Variants in ADGB observed in about 807,000 individuals in gnomAD.
The protein encoded by ADGB is calpain-7-like protein.
ADGB carries 172 observed loss-of-function variants against 210.5 expected under a neutral mutation model. The observed-to-expected ratio is 0.82, with a 90% CI of 0.72 to 0.93. ADGB has a LOEUF of 0.93. Among genes scored for constraint, ADGB ranks in the 40% least tolerant of loss-of-function variants. The probability of loss-of-function intolerance (pLI) is 0.00; values close to 1 mark genes in which losing one functional copy is unlikely to be tolerated. For missense variants in ADGB, 2,025 were observed against 1,964.8 expected, an observed-to-expected ratio of 1.03 and a Z score of -0.58; for synonymous variants, 658 against 662.7, an observed-to-expected ratio of 0.99 and a Z score of 0.11.
chr6:146,801,158 T>C (rs1778124288), intron 33 of ADGB, 25 bp from the exon 34 acceptor site: 1 of 1,343,504 alleles, frequency 7.4e-7, no homozygotes, highest in Non-Finnish European at 1.0e-6. Flanking sequence ...CTAGGTTTTT[T>C]GTTGTGTGTG....
intron 3 of ADGB, among the ~76,000 whole-genome samples, chr6:146,647,538 T>C (rs182656051): frequency 6.6e-5 from 10 of 152,108 alleles, no homozygotes; most frequent in African/African-American, 2.4e-4. Context: ...TCTGATTTCA[T>C]TGAAAAATTT....
At chr6:146,805,252 G>A (rs1419327067) in intron 35 of ADGB, among the ~76,000 whole-genome samples, 2 of 152,148 alleles carry the variant, frequency 1.3e-5, no homozygotes, top group Non-Finnish European at 2.9e-5. Flanking sequence ...ACTGACCAGA[G>A]CAAGTCACAT....
rs144031864 is a variant in ADGB at position 146,794,691 on chromosome 6, A to G, written c.4537+6081A>G. Among the ~76,000 whole-genome samples, 9 of 152,256 alleles carry G rather than the reference A, an allele frequency of 5.9e-5. No individual in the cohort carries two copies. The East Asian group carries it at 1.7e-3, about 29-fold the overall frequency. On this transcript the variant is annotated intron_variant, in intron 33 of 35. Transcript: ENST00000397944. ...TGAGAACTTGACACATCCTCTCCCA[A>G]AAAAAGCAAGAAGCAACAATAAACT...
chr6:146,662,942 T>C, intron 5 of ADGB, among the ~76,000 whole-genome samples: 1 of 146,368 alleles, frequency 6.8e-6, no homozygotes, highest in African/African-American at 2.5e-5. Flanking sequence ...AACTTAATAA[T>C]GTTATATATT....
intron 1 of ADGB, among the ~76,000 whole-genome samples, chr6:146,611,826 C>T (rs1780715849): frequency 6.6e-6 from 1 of 152,174 alleles, no homozygotes; most frequent in African/African-American, 2.4e-5. Context: ...TGTACATGTA[C>T]TAGCCTTTGG....
chr6:146,721,502 G>A lies in ADGB; in HGVS notation c.2092G>A (p.Gly698Arg). 1 of 1,521,870 alleles carries A rather than the reference G, an allele frequency of 6.6e-7. No individual in the cohort carries two copies. The highest frequency in any genetic ancestry group is 8.9e-7 in the Non-Finnish European group (1 of 1,127,156). 94.3% of individuals were successfully genotyped at this position (1,521,870 alleles called of 1,614,324 possible). A position where few individuals can be genotyped will look rare whatever the true frequency, so the allele number is the denominator to read the frequency against. The change falls in exon 17 of 36, where the codon GGA (glycine) becomes AGA (arginine). Residue 698 changes from glycine (G) to arginine (R), a missense_variant. Gly to Arg is a moderately radical substitution (Grantham distance 125). Transcript: ENST00000397944. ...TGCATTGGTACGCTGGGGGGAGTAT[G>A]GAGGTAAGAGGGCTCTGAGAAAATG... ...FSALVRWGEY[G>R]ALTKDSPPIE...
At chr6:146,628,213 A>G (rs963082) in intron 1 of ADGB, among the ~76,000 whole-genome samples, 53,737 of 151,636 alleles carry the variant, frequency 0.35, 9,850 homozygotes, top group Admixed American at 0.43. Flanking sequence ...AATATAATTG[A>G]CATTGTATAT....
intron 27 of ADGB, among the ~76,000 whole-genome samples, chr6:146,759,912 T>G (rs1276150986): frequency 6.6e-6 from 1 of 151,874 alleles, no homozygotes; most frequent in Non-Finnish European, 1.5e-5. Flanking sequence ...TTGTATTACC[T>G]TCTTTGCAAA....
intron 13 of ADGB, among the ~76,000 whole-genome samples, chr6:146,714,539 C>T (rs1776704148): frequency 6.6e-6 from 1 of 152,176 alleles, no homozygotes; most frequent in Non-Finnish European, 1.5e-5. Context: ...AGAAACTTCT[C>T]ATTTAATTTC....
At position 146,781,246 on chromosome 6, in the gene ADGB, G is replaced by A. The variant is rs1049066118; in HGVS notation, c.3863-774G>A. ...TAGTCCCAGCTACTCGGGAGGCTGA[G>A]GCAGGACAATGGCGTGAACCCGGGA... On this transcript the variant is annotated intron_variant, in intron 29 of 35. Coordinates refer to ENST00000397944, the MANE Select transcript of ADGB (RefSeq NM_024694.4). Among the ~76,000 whole-genome samples the A allele has an allele frequency of 3.0e-4, 46 of 151,396 alleles. 1 individual carries two copies. In the East Asian group the frequency reaches 6.0e-3, roughly 20 times the overall value.
intron 3 of ADGB, among the ~76,000 whole-genome samples, chr6:146,653,877 C>A (rs944987551): frequency 1.7e-4 from 26 of 151,936 alleles, no homozygotes; most frequent in African/African-American, 6.0e-4. Context: ...GTGTTTATTT[C>A]TTATTTCTCT....
intron 29 of ADGB, among the ~76,000 whole-genome samples, chr6:146,772,817 T>A (rs1454799919): frequency 6.6e-6 from 1 of 151,858 alleles, no homozygotes; most frequent in African/African-American, 2.4e-5. Context: ...CCTTGAAATG[T>A]GTGGAGGAAG....
chr6:146,805,438 T>C (rs1168285646), intron 35 of ADGB, among the ~76,000 whole-genome samples: 1 of 152,198 alleles, frequency 6.6e-6, no homozygotes, highest in Non-Finnish European at 1.5e-5. Context: ...ACCTGGAAGA[T>C]AACCAGCAAT....
At chr6:146,791,910 A>G (rs1384883414) in intron 33 of ADGB, among the ~76,000 whole-genome samples, 3 of 143,314 alleles carry the variant, frequency 2.1e-5, no homozygotes, top group Non-Finnish European at 4.5e-5. Flanking sequence ...GGCATGTGCC[A>G]CTGCACCTTG....
intron 1 of ADGB, 90 bp downstream of exon 1, chr6:146,599,204 GC>G: frequency 8.0e-7 from 1 of 1,244,370 alleles, no homozygotes; most frequent in Non-Finnish European, 1.2e-6. Flanking sequence ...AGCAAACTGT[GC>G]CAGGGCAGAA....
intron 29 of ADGB, among the ~76,000 whole-genome samples, chr6:146,774,680 T>C (rs2114636682): frequency 6.6e-6 from 1 of 152,342 alleles, no homozygotes; most frequent in Middle Eastern, 3.4e-3. Context: ...TGTCTATATG[T>C]CAGCTGCTAT....
At chr6:146,813,095 C>G (rs1778326159) in intron 35 of ADGB, among the ~76,000 whole-genome samples, 1 of 152,088 alleles carries the variant, frequency 6.6e-6, no homozygotes, top group African/African-American at 2.4e-5. Context: ...TGCTTTATGA[C>G]AGATTGAGTT....
At position 146,691,163 on chromosome 6, in the gene ADGB, T is replaced by C. The variant is rs1266504027; in HGVS notation, c.1359T>C (p.Cys453=). The change falls in exon 11 of 36, where the codon TGT becomes TGC. Residue 453 remains cysteine, a synonymous_variant. Transcript: ENST00000397944. ...GAGAATATGGGCTTTCCCACATCTGTAGCCATCCTGTGCTGGTGACTAGAA... is the reference window on the plus strand; with the variant it reads ...GAGAATATGGGCTTTCCCACATCTGCAGCCATCCTGTGCTGGTGACTAGAA... ...KLREYGLSHI[C]SHPVLVTRSR... The C allele has an allele frequency of 6.5e-7, 1 of 1,549,646 alleles. No homozygotes were observed.
At chr6:146,759,092 C>G (rs925552251) in intron 27 of ADGB, among the ~76,000 whole-genome samples, 2 of 151,734 alleles carry the variant, frequency 1.3e-5, no homozygotes, top group Non-Finnish European at 2.9e-5. Flanking sequence ...CTGGAGTACC[C>G]CCACATAAAT....
Sources: gnomAD v4.1 joint callset for allele counts (sites outside exome capture counted in the v4.1 genomes callset) on GRCh38, gnomAD v4.1.1 for gene constraint, MANE v1.5 for transcripts, NCBI Gene and HGNC (gene_info 2026-07-23, HGNC 2026-07-21) for gene names.